The following PLPPR5 variants were observed in gnomAD, a reference collection of about 807,000 sequenced individuals.
PLPPR5 encodes phospholipid phosphatase related 5.
PLPPR5 carries 16 observed loss-of-function variants against 33.9 expected under a neutral mutation model. The observed-to-expected ratio is 0.47, with a 90% confidence interval of 0.32 to 0.72. PLPPR5 has a LOEUF of 0.72. Among genes scored for constraint, PLPPR5 ranks in the 30% least tolerant of loss-of-function variants. The pLI, the probability that PLPPR5 is intolerant of heterozygous loss-of-function variation, is 0.03. For missense variants in PLPPR5, 301 were observed against 406.7 expected, an observed-to-expected ratio of 0.74 and a Z score of 2.23; for synonymous variants, 163 against 150.3, an observed-to-expected ratio of 1.08 and a Z score of -0.62.
intron 1 of PLPPR5, among the ~76,000 whole-genome samples, chr1:98,999,990 T>A (rs1652766897): frequency 1.3e-5 from 2 of 152,150 alleles, no homozygotes; most frequent in African/African-American, 4.8e-5. Flanking sequence ...CTTTAAATCA[T>A]CTATGTTGCT....
intron 3 of PLPPR5, 60 bp downstream of exon 3, chr1:98,953,010 T>C: frequency 1.9e-6 from 3 of 1,581,150 alleles, no homozygotes; most frequent in Non-Finnish European, 1.7e-6. Flanking sequence ...AAAGAATTTC[T>C]ACATTGGAAA....
At chr1:98,903,754 C>G (rs998771928) in intron 5 of PLPPR5, among the ~76,000 whole-genome samples, 1 of 152,116 alleles carries the variant, frequency 6.6e-6, no homozygotes, top group Admixed American at 6.6e-5. Flanking sequence ...AATTATCCTA[C>G]AGGGAAACCA....
intron 1 of PLPPR5, among the ~76,000 whole-genome samples, chr1:98,979,157 T>C (rs1651969847): frequency 6.6e-6 from 1 of 152,052 alleles, no homozygotes; most frequent in South Asian, 2.1e-4. Context: ...AGCTTCTCAT[T>C]TAGGTTATTT....
intron 5 of PLPPR5, among the ~76,000 whole-genome samples, chr1:98,895,138 T>G (rs1648424561): frequency 2.0e-5 from 3 of 151,960 alleles, no homozygotes; most frequent in African/African-American, 7.2e-5. Flanking sequence ...AAGGCAACAG[T>G]GTTGATAGGT....
rs1449492676 is a variant in PLPPR5 at position 98,890,897 on chromosome 1, A to G, written c.*2175T>C. On this transcript the variant is annotated 3_prime_UTR_variant, in exon 6 of 6. Transcript: ENST00000263177. The stretch of plus-strand genomic sequence containing the variant: ...AATTTAAAACTCCTGCATTCGTATC[A>G]GGTTTAGCAAGGTGCAAAGAAGCAA... 1 of 152,260 alleles carries G rather than the reference A, an allele frequency of 6.6e-6. No individual in the cohort carries two copies. Among genetic ancestry groups the G allele is most frequent in the African/African-American group, 2.4e-5 (1 of 41,436 alleles). 9.4% of individuals were successfully genotyped at this position (152,260 alleles called of 1,614,324 possible).
chr1:99,004,889 GC>G (rs1205594282), upstream of PLPPR5: 2 of 212,208 alleles, frequency 9.4e-6, no homozygotes, highest in African/African-American at 4.6e-5. Flanking sequence ...CCCCGGACGA[GC>G]CCCCTCTCCC....
chr1:98,901,202 A>C (rs1015298882), intron 5 of PLPPR5, among the ~76,000 whole-genome samples: 5 of 152,128 alleles, frequency 3.3e-5, no homozygotes, highest in Admixed American at 6.6e-5. Flanking sequence ...CAGACTCAAA[A>C]ACTCAAAATG....
chr1:98,989,369 T>G (rs572252036), intron 1 of PLPPR5, among the ~76,000 whole-genome samples: 1 of 152,222 alleles, frequency 6.6e-6, no homozygotes, highest in Admixed American at 6.6e-5. Context: ...CAACTATTCA[T>G]GGAATGTCAA....
rs79819201 is a variant in PLPPR5, at chr1:98,922,072, T to TAA, written c.622-16_622-15dup. 1,224 of 1,530,872 alleles carry TAA rather than the reference T, an allele frequency of 8.0e-4. No homozygotes were observed. The highest frequency in any genetic ancestry group is 9.4e-4 in the Admixed American group (52 of 55,554). 94.8% of individuals were successfully genotyped at this position (1,530,872 alleles called of 1,614,324 possible). On this transcript the variant is annotated splice_polypyrimidine_tract_variant and intron_variant, in intron 3 of 5. Coordinates refer to ENST00000263177, the MANE Select transcript of PLPPR5 (RefSeq NM_001037317.2). ...GGTGATGTACATCTGAAACATTCAA[T>TAA]AAAAAAAATGACTTTTCATGAAGGT... is the stretch of plus-strand genomic sequence containing the variant.
At chr1:98,994,311 G>T (rs982722927) in intron 1 of PLPPR5, among the ~76,000 whole-genome samples, 1 of 152,086 alleles carries the variant, frequency 6.6e-6, no homozygotes. Context: ...TCCTCTTTTT[G>T]TACTTCCATT....
At chr1:98,981,570 ATTAG>A (rs1487394064) in intron 1 of PLPPR5, among the ~76,000 whole-genome samples, 13 of 152,008 alleles carry the variant, frequency 8.6e-5, no homozygotes, top group African/African-American at 2.7e-4. Context: ...CTCCATCAGG[ATTAG>A]TTAAAAATAT....
chr1:98,937,770 A>G (rs886953437), intron 3 of PLPPR5, among the ~76,000 whole-genome samples: 3 of 152,226 alleles, frequency 2.0e-5, no homozygotes, highest in African/African-American at 7.2e-5. Flanking sequence ...TATCTGACCT[A>G]CAGAGTCTGT....
At position 98,900,241 on chromosome 1, in the gene PLPPR5, C is replaced by T. The variant is rs547204386; in HGVS notation, c.934-7137G>A. Among the ~76,000 whole-genome samples the T allele has an allele frequency of 2.0e-5, 3 of 152,290 alleles. No individual in the cohort carries two copies. The South Asian group carries it at 6.2e-4, about 32-fold the overall frequency. On this transcript the variant is annotated intron_variant, in intron 5 of 5. Coordinates refer to ENST00000263177, the MANE Select transcript of PLPPR5 (RefSeq NM_001037317.2). ...AATCTTTAACAGCATCCTCAAGTTT[C>T]TTGCCCTCGTGCCCTTATCTTGCCT...
chr1:98,957,486 TA>T (rs1203360693), intron 1 of PLPPR5, among the ~76,000 whole-genome samples: 2 of 152,082 alleles, frequency 1.3e-5, no homozygotes, highest in African/African-American at 2.4e-5. Flanking sequence ...TTCCATGTTT[TA>T]TTTTTTTAAG....
chr1:98,969,811 T>C lies in PLPPR5; in HGVS notation c.238-13070A>G, dbSNP rs151258362. On this transcript the variant is annotated intron_variant, in intron 1 of 5. Transcript: ENST00000263177. ...GGTTGAGATGTCTTCAGTTCCAAAG[T>C]ACATGTTTCTGTTGTACAGTGGTCA... 1.4e-3 allele frequency among the ~76,000 whole-genome samples: 206 copies of C among 152,112 alleles called. 1 individual carries two copies. Among genetic ancestry groups the C allele is most frequent in the African/African-American group, 4.7e-3 (194 of 41,544 alleles).
At chr1:98,947,682 T>A (rs1287031516) in intron 3 of PLPPR5, among the ~76,000 whole-genome samples, 4 of 151,900 alleles carry the variant, frequency 2.6e-5, no homozygotes, top group African/African-American at 9.7e-5. Flanking sequence ...TCCATGGTAG[T>A]GAAAATATTG....
rs114506726 is a variant in PLPPR5, at chr1:98,989,269, T to C, written c.237+15166A>G. On this transcript the variant is annotated intron_variant, in intron 1 of 5. Transcript: ENST00000263177. Reference sequence around the variant, plus strand: ...TCATGGGGACCCTGGCTAAGAAACATATTCCAAACTCTTGGAATTATTCTC... The same window carrying C: ...TCATGGGGACCCTGGCTAAGAAACACATTCCAAACTCTTGGAATTATTCTC... Among the ~76,000 whole-genome samples the C allele has an allele frequency of 4.2e-3, 638 of 152,254 alleles. 3 individuals carry two copies. Among genetic ancestry groups the C allele is most frequent in the African/African-American group, 0.015 (607 of 41,574 alleles).
At position 99,004,717 on chromosome 1, in the gene PLPPR5, C is replaced by T. The variant is rs1202260346; in HGVS notation, c.-46G>A. ...CGAGCCGAGCCGAGCGGGCGGTCGA[C>T]GCGGTGGGCCCCCTCCCCGGTCCGC... On this transcript the variant is annotated 5_prime_UTR_variant, in exon 1 of 6. Transcript: ENST00000263177. The T allele has an allele frequency of 4.5e-6, 6 of 1,320,064 alleles. No homozygotes were observed. The highest frequency in any genetic ancestry group is 4.0e-4 in the Middle Eastern group (2 of 5,042). The allele number at this position is 1,320,064 out of a possible 1,614,324, so 81.8% of individuals were successfully genotyped here.
chr1:98,956,630 G>T lies in PLPPR5; in HGVS notation c.349C>A (p.Arg117Ser), dbSNP rs200017242. ...GDCCYINPLV[R>S]RTVRFLGIYT... ...ATACCAAGAAATCGGACAGTTCGGC[G>T]CACCAGCGGGTTTATATAGCAACAG... Residue 117 changes from arginine (R) to serine (S), a missense_variant, in exon 2 of 6, where the codon CGC becomes AGC. By Grantham distance (110) the Arg-to-Ser change is moderately radical. Coordinates refer to ENST00000263177, the MANE Select transcript of PLPPR5 (RefSeq NM_001037317.2). 2.2e-5 allele frequency: 35 copies of T among 1,586,100 alleles called. No individual in the cohort carries two copies. Among genetic ancestry groups the T allele is most frequent in the Non-Finnish European group, 3.0e-5 (35 of 1,170,394 alleles).
Sources: gnomAD v4.1 joint callset for allele counts (sites outside exome capture counted in the v4.1 genomes callset) on GRCh38, gnomAD v4.1.1 for gene constraint, MANE v1.5 for transcripts, NCBI Gene and HGNC (gene_info 2026-07-23, HGNC 2026-07-21) for gene names.